SCFD2: variants seen among roughly 807,000 people sequenced by gnomAD.
SCFD2 encodes the protein sec1 family domain-containing protein 2.
SCFD2 carries 54 observed loss-of-function variants against 58.9 expected under a neutral mutation model. That is an observed-to-expected ratio of 0.92 (90% CI 0.74 to 1.15). The LOEUF is 1.15. Among genes scored for constraint, SCFD2 ranks in the 50% most tolerant of loss-of-function variants. The pLI, the probability that SCFD2 is intolerant of heterozygous loss-of-function variation, is 0.00. For synonymous variants in SCFD2, 321 were observed against 335.9 expected (o/e 0.96, Z 0.49); for missense variants, 805 against 836.6 (o/e 0.96, Z 0.47).
At chr4:53,038,551 T>C (rs1722819700) in intron 5 of SCFD2, among the ~76,000 whole-genome samples, 1 of 152,204 alleles carries the variant, frequency 6.6e-6, no homozygotes, top group Non-Finnish European at 1.5e-5. Flanking sequence ...GAGAGTTTCA[T>C]GAACAAATCA....
At chr4:53,179,746 C>T (rs1394044755) in intron 4 of SCFD2, among the ~76,000 whole-genome samples, 1 of 152,168 alleles carries the variant, frequency 6.6e-6, no homozygotes, top group African/African-American at 2.4e-5. Flanking sequence ...GTGCTGTATT[C>T]AGGAACCCCA....
chr4:53,038,578 C>T (rs746422327), intron 5 of SCFD2, among the ~76,000 whole-genome samples: 3 of 152,136 alleles, frequency 2.0e-5, no homozygotes, highest in Non-Finnish European at 2.9e-5. Flanking sequence ...ACATCTGAAG[C>T]CTCTGAGCCT....
intron 3 of SCFD2, among the ~76,000 whole-genome samples, chr4:53,310,288 T>C (rs748931451): frequency 1.3e-5 from 2 of 152,246 alleles, no homozygotes; most frequent in Non-Finnish European, 2.9e-5. Flanking sequence ...ATCATAAAGA[T>C]ATCTGTTTTA....
intron 7 of SCFD2, among the ~76,000 whole-genome samples, chr4:52,894,670 C>T (rs1453252496): frequency 6.6e-6 from 1 of 152,168 alleles, no homozygotes; most frequent in African/African-American, 2.4e-5. Flanking sequence ...AGAACCACTC[C>T]CTAGTGGGCT....
chr4:53,345,192 T>G (rs1318441163), intron 2 of SCFD2, among the ~76,000 whole-genome samples: 1 of 152,078 alleles, frequency 6.6e-6, no homozygotes, highest in East Asian at 1.9e-4. Flanking sequence ...ATTTTTGCAA[T>G]CTACCCATCT....
At chr4:53,235,751 G>T (rs1729580039) in intron 4 of SCFD2, among the ~76,000 whole-genome samples, 1 of 152,188 alleles carries the variant, frequency 6.6e-6, no homozygotes, top group Non-Finnish European at 1.5e-5. Flanking sequence ...AGCCTGATAT[G>T]TGTGGAAGAG....
chr4:53,129,064 T>G (rs750908254), intron 5 of SCFD2, among the ~76,000 whole-genome samples: 1 of 152,190 alleles, frequency 6.6e-6, no homozygotes, highest in Non-Finnish European at 1.5e-5. Context: ...TTAAAAAAGC[T>G]TCAAAAATTA....
At chr4:52,912,471 T>G (rs1454446067) in intron 6 of SCFD2, among the ~76,000 whole-genome samples, 1 of 152,126 alleles carries the variant, frequency 6.6e-6, no homozygotes, top group Non-Finnish European at 1.5e-5. Flanking sequence ...AAATATTAAT[T>G]CATAGAGAAG....
chr4:53,338,619 C>T lies in SCFD2; in HGVS notation c.1007+13979G>A, dbSNP rs1437779680. 6.3e-5 allele frequency among the ~76,000 whole-genome samples: 6 copies of T among 95,822 alleles called. No homozygotes were observed. In the East Asian group the frequency reaches 1.0e-3, roughly 17 times the overall value. 62.9% of individuals were successfully genotyped at this position (95,822 alleles called of 152,430 possible). On this transcript the variant is annotated intron_variant, in intron 2 of 8. Transcript: ENST00000401642. The stretch of plus-strand genomic sequence containing the variant: ...TTTGTGAGATGGAGTCTCGCTCTGT[C>T]GCCCAGGCTGGAGTGCAGTGGCGGG...
At chr4:52,889,782 T>G (rs2109451422) in intron 7 of SCFD2, among the ~76,000 whole-genome samples, 1 of 152,302 alleles carries the variant, frequency 6.6e-6, no homozygotes, top group Non-Finnish European at 1.5e-5. Flanking sequence ...CATAACCTAC[T>G]CCTGTCACTA....
At chr4:53,225,863 G>A (rs1239064031) in intron 4 of SCFD2, among the ~76,000 whole-genome samples, 5 of 152,162 alleles carry the variant, frequency 3.3e-5, no homozygotes, top group Non-Finnish European at 7.3e-5. Flanking sequence ...TTCCCCCTTT[G>A]TGATTAATGT....
At chr4:53,106,730 C>G (rs910240146) in intron 5 of SCFD2, among the ~76,000 whole-genome samples, 4 of 152,038 alleles carry the variant, frequency 2.6e-5, no homozygotes, top group African/African-American at 9.7e-5. Context: ...AAAGACCAAA[C>G]CTACATTTGA....
At chr4:53,306,675 G>A (rs1323895174) in intron 3 of SCFD2, among the ~76,000 whole-genome samples, 2 of 152,112 alleles carry the variant, frequency 1.3e-5, no homozygotes, top group African/African-American at 2.4e-5. Flanking sequence ...ACACTATCTA[G>A]CAAGGTTTTT....
intron 5 of SCFD2, among the ~76,000 whole-genome samples, chr4:53,034,318 G>A (rs1722700909): frequency 6.6e-6 from 1 of 152,094 alleles, no homozygotes; most frequent in Non-Finnish European, 1.5e-5. Context: ...TTGATGGGAT[G>A]TATCTCAAAA....
intron 5 of SCFD2, among the ~76,000 whole-genome samples, chr4:53,047,380 C>T (rs903179038): frequency 1.8e-4 from 27 of 152,042 alleles, no homozygotes; most frequent in Admixed American, 2.6e-4. Flanking sequence ...TGCATGAGGT[C>T]GAGGTGGCAG....
chr4:53,231,147 A>C (rs1729424707), intron 4 of SCFD2, among the ~76,000 whole-genome samples: 1 of 152,130 alleles, frequency 6.6e-6, no homozygotes, highest in African/African-American at 2.4e-5. Context: ...AGTAGGATAT[A>C]TATCCCTTAT....
intron 4 of SCFD2, among the ~76,000 whole-genome samples, chr4:53,230,701 A>G (rs1484692557): frequency 6.6e-6 from 1 of 152,076 alleles, no homozygotes; most frequent in Admixed American, 6.5e-5. Context: ...CAGCACACTA[A>G]CATGGCACAT....
chr4:52,939,902 C>T (rs1287020978), intron 5 of SCFD2, among the ~76,000 whole-genome samples: 6 of 152,198 alleles, frequency 3.9e-5, no homozygotes, highest in Admixed American at 2.6e-4. Flanking sequence ...TGGCATGCTG[C>T]CACTGGCTGG....
intron 3 of SCFD2, among the ~76,000 whole-genome samples, chr4:53,302,119 A>T (rs1354679524): frequency 3.9e-5 from 6 of 152,162 alleles, no homozygotes; most frequent in Non-Finnish European, 2.9e-5. Flanking sequence ...AGGCAGGAGA[A>T]GGAAATAAAG....
Sources: gnomAD v4.1 joint callset for allele counts (sites outside exome capture counted in the v4.1 genomes callset) on GRCh38, gnomAD v4.1.1 for gene constraint, MANE v1.5 for transcripts, NCBI Gene and HGNC (gene_info 2026-07-23, HGNC 2026-07-21) for gene names.